The following N4BP1 variants were observed in gnomAD, a reference collection of about 807,000 sequenced individuals.
N4BP1 encodes NEDD4-binding protein 1.
A neutral mutation model predicts 70.9 loss-of-function variants in N4BP1; 21 were observed. The observed-to-expected ratio is 0.30, with a 90% CI of 0.21 to 0.43. The LOEUF (loss-of-function observed/expected upper bound fraction) is 0.43, where lower values mean the gene tolerates loss of function less well. Among genes scored for constraint, N4BP1 ranks in the 20% least tolerant of loss-of-function variants. N4BP1 has a pLI of 1.00. For missense variants in N4BP1, 936 were observed against 1,069.4 expected (o/e 0.88, Z 1.74); for synonymous variants, 387 against 394.6 (o/e 0.98, Z 0.23).
At chr16:48,564,832 GCTTT>G (rs1447464208) in intron 1 of N4BP1, among the ~76,000 whole-genome samples, 2 of 152,104 alleles carry the variant, frequency 1.3e-5, no homozygotes, top group East Asian at 1.9e-4. Flanking sequence ...GATTTCATTT[GCTTT>G]CTTTCATTAG....
chr16:48,552,460 G>C (rs1963683608), intron 3 of N4BP1, among the ~76,000 whole-genome samples: 1 of 151,920 alleles, frequency 6.6e-6, no homozygotes, highest in Admixed American at 6.6e-5. Flanking sequence ...AGCACTTTGG[G>C]AGGGTGAGGT....
Position 48,560,898 on chromosome 16 carries a change from G to A in N4BP1, c.1745C>T (p.Pro582Leu), listed in dbSNP as rs1290226917. ...PSVTDARSAG[P>L]SDHIDSSVTG... is the part of the protein sequence containing the mutation. ...AACTGAGGAATCAATATGATCAGAA[G>A]GTCCTGCCGACCTTGCATCAGTAAC... The change falls in exon 2 of 7, where the codon CCT (proline) becomes CTT (leucine). Residue 582 changes from proline to leucine, a missense_variant. This residue lies in a region of N4BP1 where 515 missense variants were observed against 491.7 expected (regional missense o/e 1.05). Transcript: ENST00000262384. The A allele has an allele frequency of 1.1e-5, 17 of 1,613,972 alleles. No homozygotes were observed. Among genetic ancestry groups the A allele is most frequent in the Non-Finnish European group, 1.4e-5 (16 of 1,179,886 alleles).
At chr16:48,596,544 C>T (rs1246244970) in intron 1 of N4BP1, among the ~76,000 whole-genome samples, 1 of 152,150 alleles carries the variant, frequency 6.6e-6, no homozygotes, top group Non-Finnish European at 1.5e-5. Flanking sequence ...TGCTGTTAAA[C>T]CCAAAGGGAA....
Position 48,561,899 on chromosome 16 carries a change from T to G in N4BP1, c.744A>C (p.Thr248=). ...TAGAAAGGACTGTGTCCATTTGTTT[T>G]GTAAGCTCAGAAACAGGAGTCCCAG... ...NKAGTPVSEL[T]KQMDTVLSSS... Residue 248 remains threonine (T), a synonymous_variant, in exon 2 of 7, where the codon ACA becomes ACC. Coordinates refer to ENST00000262384, the MANE Select transcript of N4BP1 (RefSeq NM_153029.4). 1 of 1,613,990 alleles carries G rather than the reference T, an allele frequency of 6.2e-7. No homozygotes were observed. Among genetic ancestry groups the G allele is most frequent in the Non-Finnish European group, 8.5e-7 (1 of 1,179,898 alleles).
Position 48,548,011 on chromosome 16 carries a change from T to G in N4BP1, c.2221A>C (p.Lys741Gln), listed in dbSNP as rs747318507. Residue 741 changes from lysine to glutamine, a missense_variant, in exon 5 of 7, where the codon AAA (lysine) becomes CAA (glutamine). Lys to Gln is a moderately conservative substitution (Grantham distance 53). Transcript: ENST00000262384. The part of the protein sequence containing the change: ...ESVSWREIIT[K>Q]RLLQYTFVGD... ...AGACAAAGAAGAAAATATTACCTTT[T>G]TGTAATAATTTCTCTCCAAGAGACT... 8 of 1,544,716 alleles carry G rather than the reference T, an allele frequency of 5.2e-6. No homozygotes were observed. The highest frequency in any genetic ancestry group is 1.4e-5 in the African/African-American group (1 of 73,320).
At chr16:48,581,927 C>G (rs1964180392) in intron 1 of N4BP1, among the ~76,000 whole-genome samples, 2 of 151,850 alleles carry the variant, frequency 1.3e-5, no homozygotes, top group Admixed American at 1.3e-4. Context: ...ACCACAAAAG[C>G]AGAGGCTACA....
In N4BP1 at chr16:48,574,806, A is replaced by G. The variant is rs548212675; in HGVS notation, c.199-12362T>C. Among the ~76,000 whole-genome samples, 22 of 152,354 alleles carry G rather than the reference A, an allele frequency of 1.4e-4. No homozygotes were observed. In the East Asian group the frequency reaches 4.2e-3, roughly 29 times the overall value. ...GATATTCAGGGGAATATGTTCAGAC[A>G]TTGTTTGGGTTACAAAATTAAGTAA... On this transcript the variant is annotated intron_variant, in intron 1 of 6. Transcript: ENST00000262384.
At chr16:48,564,444 T>C (rs948312382) in intron 1 of N4BP1, among the ~76,000 whole-genome samples, 2 of 152,180 alleles carry the variant, frequency 1.3e-5, no homozygotes, top group Admixed American at 1.3e-4. Context: ...CACTACTGAA[T>C]TGCACTTTTG....
chr16:48,604,749 G>A (rs2151103799), intron 1 of N4BP1, among the ~76,000 whole-genome samples: 1 of 152,250 alleles, frequency 6.6e-6, no homozygotes, highest in East Asian at 1.9e-4. Flanking sequence ...TGAATTCGAT[G>A]TGTATGATTT....
At chr16:48,604,824 T>C (rs1163397749) in intron 1 of N4BP1, among the ~76,000 whole-genome samples, 1 of 152,176 alleles carries the variant, frequency 6.6e-6, no homozygotes. Context: ...GATTCCTTGC[T>C]TCTCTTAGAT....
At position 48,609,805 on chromosome 16, in the gene N4BP1, G is replaced by A. The variant is rs1408516467; in HGVS notation, c.168C>T (p.Cys56=). ...CGCTGTGCACCGCCTCCTGCGCCCC[G>A]CAGAGCTGCAGCCAGATGCGCGCGG... ...PLPARIWLQL[C]GAQEAVHSAK... Residue 56 remains cysteine (C), a synonymous_variant, in exon 1 of 7, where the codon TGC becomes TGT. Coordinates refer to ENST00000262384, the MANE Select transcript of N4BP1 (RefSeq NM_153029.4). 28 of 1,469,964 alleles carry A rather than the reference G, an allele frequency of 1.9e-5. No homozygotes were observed. In the East Asian group the frequency reaches 3.3e-4, roughly 17 times the overall value. The allele number at this position is 1,469,964 out of a possible 1,614,324, so 91.1% of individuals were successfully genotyped here.
chr16:48,542,539 T>A lies in N4BP1; in HGVS notation c.*365A>T, dbSNP rs958153357. ...CTTAAGAAAGCAACACTTTTTTTTT[T>A]ATTTATTTATAAAGGCTAACCATAT... On this transcript the variant is annotated 3_prime_UTR_variant, in exon 7 of 7. Coordinates refer to ENST00000262384, the MANE Select transcript of N4BP1 (RefSeq NM_153029.4). 2.1e-4 allele frequency: 33 copies of A among 160,418 alleles called. 1 individual carries two copies. Among genetic ancestry groups the A allele is most frequent in the African/African-American group, 4.8e-4 (20 of 41,284 alleles). The allele number at this position is 160,418 out of a possible 1,614,324, so 9.9% of individuals were successfully genotyped here.
At chr16:48,597,218 C>A (rs1964427869) in intron 1 of N4BP1, among the ~76,000 whole-genome samples, 1 of 152,210 alleles carries the variant, frequency 6.6e-6, no homozygotes, top group South Asian at 2.1e-4. Flanking sequence ...CAATTCCCAT[C>A]TTGATAAATC....
intron 1 of N4BP1, among the ~76,000 whole-genome samples, chr16:48,603,465 C>G (rs935301963): frequency 1.3e-5 from 2 of 152,044 alleles, no homozygotes; most frequent in Non-Finnish European, 2.9e-5. Flanking sequence ...ATGGAGACGC[C>G]AAACAAGTAG....
At chr16:48,567,659 A>C (rs1963963004) in intron 1 of N4BP1, among the ~76,000 whole-genome samples, 1 of 152,288 alleles carries the variant, frequency 6.6e-6, no homozygotes, top group Non-Finnish European at 1.5e-5. Context: ...ATAGTTTTTA[A>C]GTGGTGATGC....
At position 48,561,372 on chromosome 16, in the gene N4BP1, T is replaced by G; in HGVS notation, c.1271A>C (p.Asp424Ala). Residue 424 changes from aspartate to alanine, a missense_variant, in exon 2 of 7, where the codon GAT (aspartate) becomes GCT (alanine). By Grantham distance (126) the Asp-to-Ala change is moderately radical. This residue lies in a region of N4BP1 where 515 missense variants were observed against 491.7 expected (regional missense o/e 1.05). Coordinates refer to ENST00000262384, the MANE Select transcript of N4BP1 (RefSeq NM_153029.4). The part of the protein sequence containing the change: ...VYSSTNELTT[D>A]STPKKTQAHT... ...AGCCTGTGTTTTCTTTGGAGTGGAATCAGTTGTAAGCTCATTTGTGCTGCT... is the reference window on the plus strand; with the variant it reads ...AGCCTGTGTTTTCTTTGGAGTGGAAGCAGTTGTAAGCTCATTTGTGCTGCT... 1.2e-6 allele frequency: 2 copies of G among 1,613,976 alleles called. No homozygotes were observed. The highest frequency in any genetic ancestry group is 1.7e-6 in the Non-Finnish European group (2 of 1,179,878).
Position 48,544,448 on chromosome 16 carries a change from A to AC in N4BP1, c.2334-1188dup, listed in dbSNP as rs772841269. On this transcript the variant is annotated intron_variant, in intron 6 of 6. Coordinates refer to ENST00000262384, the MANE Select transcript of N4BP1 (RefSeq NM_153029.4). ...GCTGTGTGTCTTCCTCTCAGCTTAGACCCCCCATCACACCCCCATGCAAAT... is the reference window on the plus strand; with the variant it reads ...GCTGTGTGTCTTCCTCTCAGCTTAGACCCCCCCATCACACCCCCATGCAAAT... Among the ~76,000 whole-genome samples the AC allele has an allele frequency of 4.6e-5, 7 of 152,008 alleles. No individual in the cohort carries two copies. The East Asian group carries it at 5.8e-4, about 13-fold the overall frequency.
At chr16:48,580,880 G>A (rs1490351943) in intron 1 of N4BP1, among the ~76,000 whole-genome samples, 1 of 151,950 alleles carries the variant, frequency 6.6e-6, no homozygotes, top group Non-Finnish European at 1.5e-5. Flanking sequence ...AGGTCAAGGA[G>A]GTCAAATCAT....
At chr16:48,574,274 A>AG (rs1964062086) in intron 1 of N4BP1, among the ~76,000 whole-genome samples, 1 of 152,240 alleles carries the variant, frequency 6.6e-6, no homozygotes, top group African/African-American at 2.4e-5. Flanking sequence ...AAGTGGATGC[A>AG]TAACATGCTA....
Sources: gnomAD v4.1 joint callset for allele counts (sites outside exome capture counted in the v4.1 genomes callset) on GRCh38, gnomAD v4.1.1 for gene constraint, gnomAD v4.1.1 regional missense constraint, MANE v1.5 for transcripts, NCBI Gene and HGNC (gene_info 2026-07-23, HGNC 2026-07-21) for gene names.